Variants in DTX1 observed in about 807,000 individuals in gnomAD.
The protein encoded by DTX1 is deltex E3 ubiquitin ligase 1.
DTX1 carries 26 observed loss-of-function variants against 57.8 expected under a neutral mutation model. The observed-to-expected ratio is 0.45, with a 90% confidence interval of 0.33 to 0.62. The LOEUF is 0.62. DTX1 is among the 20% of genes least tolerant of loss of function. The pLI is 0.02. For missense variants in DTX1, 704 were observed against 895.3 expected (o/e 0.79, Z 2.73); for synonymous variants, 398 against 394.1 (o/e 1.01, Z -0.12).
At chr12:113,061,879 T>A (rs1305123362) in intron 2 of DTX1, among the ~76,000 whole-genome samples, 2 of 151,656 alleles carry the variant, frequency 1.3e-5, no homozygotes, top group Non-Finnish European at 2.9e-5. Flanking sequence ...CTAATTTTTG[T>A]ATTTTTAGTA....
intron 3 of DTX1, among the ~76,000 whole-genome samples, chr12:113,084,170 G>T (rs1404258944): frequency 2.0e-5 from 3 of 152,212 alleles, no homozygotes; most frequent in Non-Finnish European, 4.4e-5. Flanking sequence ...ACAGGGCGGG[G>T]AGCCAGCTGG....
At chr12:113,064,940 A>G (rs2044693871) in intron 2 of DTX1, among the ~76,000 whole-genome samples, 1 of 152,150 alleles carries the variant, frequency 6.6e-6, no homozygotes, top group East Asian at 1.9e-4. Context: ...GGTAAATAGA[A>G]TGATAGGAGG....
At chr12:113,075,583 C>T (rs992577412) in intron 2 of DTX1, among the ~76,000 whole-genome samples, 1 of 152,174 alleles carries the variant, frequency 6.6e-6, no homozygotes, top group Non-Finnish European at 1.5e-5. Context: ...TCTGGTTAGC[C>T]CAGAGTTTCC....
Position 113,079,515 on chromosome 12 carries a change from C to CTTTTTTTTTTTTTTTT in DTX1, c.941+1425_941+1440dup, listed in dbSNP as rs3038193. Among the ~76,000 whole-genome samples the CTTTTTTTTTTTTTTTT allele has an allele frequency of 3.9e-5, 3 of 77,174 alleles. 1 individual carries two copies. The highest frequency in any genetic ancestry group is 9.7e-4 in the South Asian group (2 of 2,072). The allele number at this position is 77,174 out of a possible 152,430, so 50.6% of individuals were successfully genotyped here. A position where few individuals can be genotyped will look rare whatever the true frequency, so the allele number is the denominator to read the frequency against. ...TTCGAATCCCCTCTTGGCCACTTCT[C>CTTTTTTTTTTTTTTTT]TTTTTTTTTTTTTTTTTTTTTTTTT... On this transcript the variant is annotated intron_variant, in intron 3 of 9. Transcript: ENST00000548759.
Position 113,058,465 on chromosome 12 carries a change from C to A in DTX1, c.259+14C>A. Reference sequence around the variant, plus strand: ...GCCAGGACACAGGTGAGCAGACACCCACCCCATGCCACCCGCCCCGCCGAG... The same window carrying A: ...GCCAGGACACAGGTGAGCAGACACCAACCCCATGCCACCCGCCCCGCCGAG... On this transcript the variant is annotated intron_variant, in intron 2 of 9. Coordinates refer to ENST00000548759, the MANE Select transcript of DTX1 (RefSeq NM_004416.3). 1 of 1,576,968 alleles carries A rather than the reference C, an allele frequency of 6.3e-7. No homozygotes were observed.
At chr12:113,062,657 C>T (rs866822565) in intron 2 of DTX1, among the ~76,000 whole-genome samples, 2 of 152,290 alleles carry the variant, frequency 1.3e-5, no homozygotes, top group South Asian at 2.1e-4. Context: ...GGTACACGTG[C>T]GTGTGCGTAC....
At chr12:113,096,212 A>C (rs998466462) in intron 9 of DTX1, among the ~76,000 whole-genome samples, 32 of 151,824 alleles carry the variant, frequency 2.1e-4, no homozygotes, top group South Asian at 4.2e-4. Context: ...CACAAAAAAA[A>C]AAACAGGCAG....
chr12:113,077,509 CGGCG>C lies in DTX1; in HGVS notation c.346_349del (p.Gly116HisfsTer29). 6.2e-7 allele frequency: 1 copy of C among 1,611,528 alleles called. No homozygotes were observed. On this transcript the variant is annotated frameshift_variant, in exon 3 of 10. Transcript: ENST00000548759. LOFTEE classifies it high-confidence loss of function. The surrounding 1 kb of genome is among the most constrained non-coding windows in gnomAD (Gnocchi z 7.8). Reference sequence around the variant, plus strand: ...TCGTGTGGGAGTGGGAGAACGACGGCGGCGCATGGACGGCCTACGATATGGACAT... The same window carrying C: ...TCGTGTGGGAGTGGGAGAACGACGGCCATGGACGGCCTACGATATGGACAT...
At chr12:113,096,564 GA>G in intron 9 of DTX1, 150 bp from the exon 10 acceptor site, 1 of 603,906 alleles carries the variant, frequency 1.7e-6, no homozygotes. Context: ...AAATGCAAAG[GA>G]AATGGCCAAG....
Position 113,093,028 on chromosome 12 carries a change from A to C in DTX1, c.942-134A>C. 8.2e-6 allele frequency: 6 copies of C among 735,176 alleles called. No homozygotes were observed. Among genetic ancestry groups the C allele is most frequent in the East Asian group, 2.9e-5 (1 of 34,248 alleles). 45.5% of individuals were successfully genotyped at this position (735,176 alleles called of 1,614,324 possible). On this transcript the variant is annotated intron_variant, in intron 3 of 9. Transcript: ENST00000548759. The surrounding 1 kb of genome is among the most constrained non-coding windows in gnomAD (Gnocchi z 4.2). ...AGTAGAAAGAGAGTTTCCTGGAGGT[A>C]ACTGCAGTTGGCAGAGAGGTACAAA...
intron 3 of DTX1, among the ~76,000 whole-genome samples, chr12:113,087,544 T>G (rs2044871175): frequency 6.7e-6 from 1 of 149,268 alleles, no homozygotes; most frequent in Non-Finnish European, 1.5e-5. Flanking sequence ...GCCCTGAAAG[T>G]GGGGAAAGGT....
chr12:113,074,594 C>A (rs545098230), intron 2 of DTX1, among the ~76,000 whole-genome samples: 1 of 152,284 alleles, frequency 6.6e-6, no homozygotes, highest in African/African-American at 2.4e-5. Flanking sequence ...TCCAAGTGAG[C>A]GGAAGCCAGG....
chr12:113,080,838 A>T (rs1454265807), intron 3 of DTX1, among the ~76,000 whole-genome samples: 1 of 151,986 alleles, frequency 6.6e-6, no homozygotes, highest in Non-Finnish European at 1.5e-5. Context: ...TTAGCCAGGC[A>T]GGGTGGTGTG....
At chr12:113,092,212 G>A (rs1173569348) in intron 3 of DTX1, among the ~76,000 whole-genome samples, 1 of 152,068 alleles carries the variant, frequency 6.6e-6, no homozygotes, top group Non-Finnish European at 1.5e-5. Flanking sequence ...ACTCGGCCAG[G>A]ATTGCACAGC....
At chr12:113,089,098 T>C (rs1950227372) in intron 3 of DTX1, among the ~76,000 whole-genome samples, 1 of 151,830 alleles carries the variant, frequency 6.6e-6, no homozygotes, top group South Asian at 2.1e-4. Context: ...AGTGAGGGAG[T>C]GTGCCATGAG....
At chr12:113,067,879 C>A (rs1377980254) in intron 2 of DTX1, among the ~76,000 whole-genome samples, 9 of 149,628 alleles carry the variant, frequency 6.0e-5, no homozygotes, top group Admixed American at 6.7e-5. Flanking sequence ...CAAATAAAAA[C>A]AAAAAAAAAA....
At chr12:113,087,333 G>A (rs753912514) in intron 3 of DTX1, among the ~76,000 whole-genome samples, 8 of 152,192 alleles carry the variant, frequency 5.3e-5, no homozygotes, top group African/African-American at 1.4e-4. Context: ...CTAGGCAGAC[G>A]GAGGTGCTGG....
chr12:113,085,728 T>C lies in DTX1; in HGVS notation c.942-7434T>C, dbSNP rs887739950. ...TCATATTTATTGAATAACTTCTGTG[T>C]GGCAGGCACTGTTTGGGGCCCTGGG... On this transcript the variant is annotated intron_variant, in intron 3 of 9. Coordinates refer to ENST00000548759, the MANE Select transcript of DTX1 (RefSeq NM_004416.3). 5.5e-4 allele frequency among the ~76,000 whole-genome samples: 84 copies of C among 152,364 alleles called. 1 individual carries two copies. Among genetic ancestry groups the C allele is most frequent in the African/African-American group, 1.9e-3 (81 of 41,592 alleles).
intron 3 of DTX1, among the ~76,000 whole-genome samples, chr12:113,082,583 TTGTTTC>T (rs2044826623): frequency 6.6e-6 from 1 of 152,168 alleles, no homozygotes; most frequent in African/African-American, 2.4e-5. Context: ...CCTGGTCTCT[TTGTTTC>T]TGTGTCTTTG....
Sources: allele counts gnomAD v4.1 joint callset (sites outside exome capture counted in the v4.1 genomes callset), GRCh38; gene constraint gnomAD v4.1.1; non-coding constraint Gnocchi (gnomAD v3.1); transcripts MANE v1.5; gene names NCBI Gene and HGNC (gene_info 2026-07-23, HGNC 2026-07-21).